F5: variants seen among roughly 807,000 people sequenced by gnomAD.
F5 encodes activated protein c cofactor.
A neutral mutation model predicts 216.4 loss-of-function variants in F5; 138 were observed. That is an observed-to-expected ratio of 0.64 (90% CI 0.56 to 0.73). The LOEUF is 0.73. Among genes scored for constraint, F5 ranks in the 30% least tolerant of loss-of-function variants. F5 has a pLI of 0.00. For missense variants in F5, 2,403 were observed against 2,674.0 expected, an observed-to-expected ratio of 0.90 and a Z score of 2.24; for synonymous variants, 916 against 930.7, an observed-to-expected ratio of 0.98 and a Z score of 0.29.
At chr1:169,519,183 T>C (rs551448408) in intron 22 of F5, among the ~76,000 whole-genome samples, 9 of 152,286 alleles carry the variant, frequency 5.9e-5, no homozygotes, top group Admixed American at 5.9e-4. Context: ...TCTGTGACAC[T>C]TTGTTCTTGT....
At chr1:169,576,046 C>G (rs1383331996) in intron 2 of F5, among the ~76,000 whole-genome samples, 2 of 151,970 alleles carry the variant, frequency 1.3e-5, no homozygotes, top group Non-Finnish European at 2.9e-5. Flanking sequence ...GGGCCATGAG[C>G]CCGTGAGTGT....
intron 2 of F5, among the ~76,000 whole-genome samples, chr1:169,576,760 A>C (rs1005527502): frequency 6.6e-6 from 1 of 152,184 alleles, no homozygotes; most frequent in African/African-American, 2.4e-5. Flanking sequence ...CAATGAGCCC[A>C]ACAGGGTGCT....
Position 169,541,682 on chromosome 1 carries a change from A to G in F5, c.3408T>C (p.Asp1136=), listed in dbSNP as rs745472773. ...TGGGGTCTGAAGTAGAGTGCATTTG[A>G]TCAGGGTCTTGAATGGGGAATGTTT... ...HYQTFPIQDP[D]QMHSTSDPSH... is the part of the protein sequence containing the mutation. The change falls in exon 13 of 25, where the codon GAT becomes GAC. Residue 1136 remains aspartate, a synonymous_variant. Transcript: ENST00000367797. The G allele has an allele frequency of 6.2e-7, 1 of 1,614,114 alleles. No individual in the cohort carries two copies. The highest frequency in any genetic ancestry group is 1.1e-5 in the South Asian group (1 of 91,084).
intron 8 of F5, among the ~76,000 whole-genome samples, chr1:169,551,039 C>T (rs1449926117): frequency 6.6e-6 from 1 of 152,182 alleles, no homozygotes; most frequent in Non-Finnish European, 1.5e-5. Flanking sequence ...GCAAGTCCTC[C>T]TTCCCCTGCC....
In F5 at chr1:169,542,136, C is replaced by G. The variant is rs751863847; in HGVS notation, c.2954G>C (p.Ser985Thr). 2 of 1,614,030 alleles carry G rather than the reference C, an allele frequency of 1.2e-6. No homozygotes were observed. ...TCCAGGCTTGTTGGCAAGAGGGGTG[C>G]TTTCTCCCCAAGCACGTGAGGCATT... ...PQNASRAWGE[S>T]TPLANKPGKQ... is the part of the protein sequence containing the mutation. Residue 985 changes from serine (S) to threonine (T), a missense_variant, in exon 13 of 25, where the codon AGC becomes ACC. Physicochemically the swap from Ser to Thr is moderately conservative, Grantham distance 58. Around this residue, in one of 4 missense-constraint regions of F5, gnomAD observed 1,425 missense variants for 1,554.8 expected, o/e 0.92. Transcript: ENST00000367797.
chr1:169,521,681 C>T (rs576750798), intron 21 of F5, among the ~76,000 whole-genome samples: 9 of 131,976 alleles, frequency 6.8e-5, no homozygotes, highest in Admixed American at 2.8e-4. Context: ...AGTGCAGTGG[C>T]GTGATCTCGG....
chr1:169,560,953 A>C (rs1660469996), intron 3 of F5, among the ~76,000 whole-genome samples, 187 bp from the exon 4 acceptor site: 1 of 152,202 alleles, frequency 6.6e-6, no homozygotes, highest in Non-Finnish European at 1.5e-5. Context: ...AAAGGCTTTG[A>C]TAACATGGTG....
At chr1:169,520,036 G>A (rs1275547956) in intron 22 of F5, among the ~76,000 whole-genome samples, 2 of 152,148 alleles carry the variant, frequency 1.3e-5, no homozygotes, top group Admixed American at 6.6e-5. Flanking sequence ...CCTACACAGG[G>A]TATGAAAGAA....
chr1:169,576,167 G>T (rs953160834), intron 2 of F5, among the ~76,000 whole-genome samples: 3 of 152,108 alleles, frequency 2.0e-5, no homozygotes, highest in Admixed American at 6.6e-5. Context: ...ACCCATTTTG[G>T]ACTTCTCATC....
chr1:169,581,119 T>A lies in F5; in HGVS notation c.250+1312A>T, dbSNP rs149968690. Among the ~76,000 whole-genome samples the A allele has an allele frequency of 3.3e-5, 5 of 152,202 alleles. No homozygotes were observed. In the East Asian group the frequency reaches 9.6e-4, roughly 29 times the overall value. ...GATTCGAACCCTGGGGAAGAATATC[T>A]GGTGGGGATACTGAGCAGGAGTGGT... On this transcript the variant is annotated intron_variant, in intron 2 of 24. Transcript: ENST00000367797.
chr1:169,541,863 G>A lies in F5; in HGVS notation c.3227C>T (p.Thr1076Ile). 2 of 1,614,102 alleles carry A rather than the reference G, an allele frequency of 1.2e-6. No homozygotes were observed. The highest frequency in any genetic ancestry group is 1.3e-5 in the African/African-American group (1 of 75,040). ...CTGATTGAGGTCTGTGGGAAGAGATGTTTCATTGGATTTATGAAGCACCAA... is the reference window on the plus strand; with the variant it reads ...CTGATTGAGGTCTGTGGGAAGAGATATTTCATTGGATTTATGAAGCACCAA... ...HSLVLHKSNETSLPTDLNQTL... is the reference protein window; with the variant it reads ...HSLVLHKSNEISLPTDLNQTL... The change falls in exon 13 of 25, where the codon ACA (threonine) becomes ATA (isoleucine). Residue 1076 changes from threonine (T) to isoleucine (I), a missense_variant. By Grantham distance (89) the Thr-to-Ile change is moderately conservative. Around this residue, in one of 4 missense-constraint regions of F5, gnomAD observed 1,425 missense variants for 1,554.8 expected, o/e 0.92. Coordinates refer to ENST00000367797, the MANE Select transcript of F5 (RefSeq NM_000130.5).
In F5 at chr1:169,530,892, T is replaced by G. The variant is rs963586856; in HGVS notation, c.5102A>C (p.Gln1701Pro). The G allele has an allele frequency of 6.2e-6, 10 of 1,613,978 alleles. No individual in the cohort carries two copies. The highest frequency in any genetic ancestry group is 7.6e-6 in the Non-Finnish European group (9 of 1,179,868). Residue 1701 changes from glutamine to proline, a missense_variant, in exon 15 of 25, where the codon CAG (glutamine) becomes CCG (proline). By Grantham distance (76) the Gln-to-Pro change is moderately conservative (BLOSUM62 -1). Around this residue, in one of 4 missense-constraint regions of F5, gnomAD observed 659 missense variants for 787.9 expected, o/e 0.84. Transcript: ENST00000367797. ...PEWFKEDNAVQPNSSYTYVWH... is the reference protein window; with the variant it reads ...PEWFKEDNAVPPNSSYTYVWH... ...TACGTAGGTATAACTGCTATTTGGC[T>G]GAACAGCATTATCTTCCTTAAACCA...
At chr1:169,520,424 A>C in intron 22 of F5, 96 bp downstream of exon 22, 1 of 1,476,672 alleles carries the variant, frequency 6.8e-7, no homozygotes, top group African/African-American at 1.4e-5. Context: ...AGCCTAAGTC[A>C]CTGAAAAGAA....
rs1659817123 is a variant in F5 at position 169,540,798 on chromosome 1, G to A, written c.4292C>T (p.Pro1431Leu). Residue 1431 changes from proline to leucine, a missense_variant, in exon 13 of 25, where the codon CCA becomes CTA. Around this residue, in one of 4 missense-constraint regions of F5, gnomAD observed 293 missense variants for 270.8 expected, o/e 1.08. Transcript: ENST00000367797. ...AGAGAGAGTCACCTGGCTGAGGTCT[G>A]GGGAAAGGGACATCTGACCAAAGTT... ...SPNFGQMSLS[P>L]DLSQVTLSPD... 1.2e-6 allele frequency: 2 copies of A among 1,613,970 alleles called. No homozygotes were observed. The highest frequency in any genetic ancestry group is 1.7e-6 in the Non-Finnish European group (2 of 1,179,968).
In F5 at chr1:169,556,632, G is replaced by A; in HGVS notation, c.952+14C>T. The A allele has an allele frequency of 6.2e-7, 1 of 1,611,768 alleles. No individual in the cohort carries two copies. The highest frequency in any genetic ancestry group is 8.5e-7 in the Non-Finnish European group (1 of 1,177,992). On this transcript the variant is annotated intron_variant, in intron 6 of 24. Coordinates refer to ENST00000367797, the MANE Select transcript of F5 (RefSeq NM_000130.5). ...TCTGCATTGAGAAGCAAGACTGTCA[G>A]GAGAGTTTCTTGCCTTGCAAATGTT... is the stretch of plus-strand genomic sequence containing the variant.
chr1:169,562,603 C>G (rs967912075), intron 3 of F5, among the ~76,000 whole-genome samples: 4 of 151,868 alleles, frequency 2.6e-5, no homozygotes, highest in African/African-American at 9.7e-5. Context: ...TGTTTAATCT[C>G]CATTGTTGCC....
chr1:169,565,000 A>C (rs576477907), intron 3 of F5, among the ~76,000 whole-genome samples: 80 of 152,176 alleles, frequency 5.3e-4, no homozygotes, highest in African/African-American at 1.8e-3. Context: ...GTCTTATCAT[A>C]CGTCTTTTCT....
rs759318113 is a variant in F5, at chr1:169,556,636, A to G, written c.952+10T>C. ...CATTGAGAAGCAAGACTGTCAGGAG[A>G]GTTTCTTGCCTTGCAAATGTTTTGG... On this transcript the variant is annotated intron_variant, in intron 6 of 24. Coordinates refer to ENST00000367797, the MANE Select transcript of F5 (RefSeq NM_000130.5). The G allele has an allele frequency of 6.2e-7, 1 of 1,612,320 alleles. No homozygotes were observed. The highest frequency in any genetic ancestry group is 8.5e-7 in the Non-Finnish European group (1 of 1,178,682).
intron 2 of F5, among the ~76,000 whole-genome samples, chr1:169,581,335 A>G (rs1385024875): frequency 2.6e-5 from 4 of 152,180 alleles, no homozygotes; most frequent in African/African-American, 9.7e-5. Flanking sequence ...AAAGCAGATT[A>G]GGGAAGGAAT....
Sources: gnomAD v4.1 joint callset for allele counts (sites outside exome capture counted in the v4.1 genomes callset) on GRCh38, gnomAD v4.1.1 for gene constraint, gnomAD v4.1.1 regional missense constraint, MANE v1.5 for transcripts, NCBI Gene and HGNC (gene_info 2026-07-23, HGNC 2026-07-21) for gene names.